Variants in SLC26A5 observed in about 807,000 individuals in gnomAD.
SLC26A5 encodes the protein prestin.
SLC26A5 carries 51 observed loss-of-function variants against 81.0 expected under a neutral mutation model. The ratio of observed to expected loss-of-function variants is 0.63; its 90% CI spans 0.50 to 0.80. The LOEUF (loss-of-function observed/expected upper bound fraction) is 0.80. SLC26A5 is among the 30% of genes least tolerant of loss of function. The pLI, the probability that SLC26A5 is intolerant of heterozygous loss-of-function variation, is 0.00. For synonymous variants in SLC26A5, 325 were observed against 332.8 expected (o/e 0.98, Z 0.25); for missense variants, 771 against 905.8 (o/e 0.85, Z 1.91).
At chr7:103,413,137 A>C in intron 4 of SLC26A5, 25 bp from the exon 5 acceptor site, 1 of 1,437,436 alleles carries the variant, frequency 7.0e-7, no homozygotes, top group Non-Finnish European at 9.8e-7. Context: ...ACCAAACAGA[A>C]ATGGGGGATC....
chr7:103,373,863 G>C (rs78524188), downstream of SLC26A5, among the ~76,000 whole-genome samples: 7,599 of 152,160 alleles, frequency 0.05, 597 homozygotes, highest in African/African-American at 0.17. Flanking sequence ...TATGTTTTAT[G>C]TTCTTATTTT....
chr7:103,429,081 G>A (rs771482966), intron 2 of SLC26A5, among the ~76,000 whole-genome samples: 4 of 152,096 alleles, frequency 2.6e-5, no homozygotes, highest in Non-Finnish European at 5.9e-5. Context: ...CAACATTCTG[G>A]GAACAGTATC....
intron 8 of SLC26A5, among the ~76,000 whole-genome samples, chr7:103,400,291 T>C (rs999099805): frequency 6.6e-6 from 1 of 152,250 alleles, no homozygotes; most frequent in East Asian, 1.9e-4. Flanking sequence ...TATCCCGTTG[T>C]GGTTTTGATT....
chr7:103,360,591 C>CT (rs1820325033), intron 19 of SLC26A5, among the ~76,000 whole-genome samples: 1 of 152,174 alleles, frequency 6.6e-6, no homozygotes, highest in African/African-American at 2.4e-5. Context: ...ACTTTTAGCT[C>CT]TACCTATGTG....
intron 7 of SLC26A5, among the ~76,000 whole-genome samples, chr7:103,409,816 T>C (rs905005311): frequency 6.6e-6 from 1 of 152,058 alleles, no homozygotes; most frequent in Admixed American, 6.6e-5. Context: ...CACGCCATTC[T>C]CCTGTCTCAG....
At chr7:103,406,226 T>G (rs535321833) in intron 8 of SLC26A5, among the ~76,000 whole-genome samples, 7 of 152,194 alleles carry the variant, frequency 4.6e-5, no homozygotes, top group Non-Finnish European at 7.4e-5. Context: ...CACTGGGGTA[T>G]GAAAAAAACT....
At chr7:103,379,120 C>T (rs1821583481) in intron 16 of SLC26A5, 123 bp downstream of exon 16, 1 of 739,228 alleles carries the variant, frequency 1.4e-6, no homozygotes, top group East Asian at 2.6e-5. Context: ...TATTTTACTA[C>T]AATAAAAGAG....
At chr7:103,384,624 A>C (rs1359862861) in intron 14 of SLC26A5, among the ~76,000 whole-genome samples, 1 of 152,020 alleles carries the variant, frequency 6.6e-6, no homozygotes, top group African/African-American at 2.4e-5. Flanking sequence ...CTTAAAAAAA[A>C]AAGTGCTGAT....
At chr7:103,421,596 A>G in intron 2 of SLC26A5, 29 bp from the exon 3 acceptor site, 1 of 1,455,680 alleles carries the variant, frequency 6.9e-7, no homozygotes, top group Non-Finnish European at 9.5e-7. Context: ...ACTCCATTTT[A>G]CTTGCCAAAA....
rs1178572494 is a variant in SLC26A5 at position 103,367,840 on chromosome 7, GGTCT to G, written c.2041+8964_2041+8967del. On this transcript the variant is annotated intron_variant, in intron 19 of 19. Transcript: ENST00000339444. This position sits in a 1 kb window ranked among gnomAD's most constrained non-coding sequence, Gnocchi z 6.1. ...TAGAAAGTTCTTGCTTATATTTGCT[GGTCT>G]GTCTGCTCAGGCTGCTTTAATTAAG... 1 of 1,612,104 alleles carries G rather than the reference GGTCT, an allele frequency of 6.2e-7. No individual in the cohort carries two copies. The highest frequency in any genetic ancestry group is 1.3e-5 in the African/African-American group (1 of 74,740).
At chr7:103,368,060 G>A in intron 19 of SLC26A5, 2 of 1,593,820 alleles carry the variant, frequency 1.3e-6, no homozygotes, top group Non-Finnish European at 1.7e-6. Flanking sequence ...ACTGAACCCT[G>A]AAGGCTTTCA....
chr7:103,364,007 T>C (rs1231529066), intron 19 of SLC26A5: 2 of 819,106 alleles, frequency 2.4e-6, no homozygotes. Flanking sequence ...ATTGTGGACT[T>C]AATAATTTTG....
chr7:103,353,014 C>T (rs990332988), intron 19 of SLC26A5: 3 of 776,838 alleles, frequency 3.9e-6, no homozygotes, highest in Admixed American at 3.4e-5. Flanking sequence ...CATGAAAGCA[C>T]ATGAGTATTG....
At position 103,354,807 on chromosome 7, in the gene SLC26A5, T is replaced by G. The variant is rs543436191; in HGVS notation, c.2042-1881A>C. ...TTGTAACTTAAAAATAATTTTTACC[T>G]GTAGTTTTAATAAATGGTTGATATC... On this transcript the variant is annotated intron_variant, in intron 19 of 19. Transcript: ENST00000339444. 4 of 1,066,966 alleles carry G rather than the reference T, an allele frequency of 3.7e-6. No individual in the cohort carries two copies. In the Admixed American group the frequency reaches 8.2e-5, roughly 22 times the overall value. The allele number at this position is 1,066,966 out of a possible 1,614,324, so 66.1% of individuals were successfully genotyped here. A position where few individuals can be genotyped will look rare whatever the true frequency, so the allele number is the denominator to read the frequency against.
chr7:103,364,001 T>A, intron 19 of SLC26A5: 2 of 768,306 alleles, frequency 2.6e-6, no homozygotes, highest in Non-Finnish European at 4.0e-6. Flanking sequence ...ATGTATATTG[T>A]GGACTTAATA....
chr7:103,429,419 A>G (rs1339259986), intron 2 of SLC26A5, among the ~76,000 whole-genome samples: 2 of 152,252 alleles, frequency 1.3e-5, no homozygotes, highest in African/African-American at 4.8e-5. Flanking sequence ...AAATTTTACT[A>G]TGAATTTTTT....
chr7:103,373,448 C>G (rs548616445), downstream of SLC26A5, among the ~76,000 whole-genome samples: 1 of 152,228 alleles, frequency 6.6e-6, no homozygotes, highest in South Asian at 2.1e-4. Flanking sequence ...AATATAAAAA[C>G]AAGTTAAACA....
At chr7:103,394,773 G>A (rs944431027) in intron 9 of SLC26A5, among the ~76,000 whole-genome samples, 1 of 152,284 alleles carries the variant, frequency 6.6e-6, no homozygotes, top group Non-Finnish European at 1.5e-5. Context: ...AATCTAGATG[G>A]GGAATCTGTT....
chr7:103,356,132 G>T (rs545811593), intron 19 of SLC26A5, among the ~76,000 whole-genome samples: 34 of 151,660 alleles, frequency 2.2e-4, no homozygotes, highest in Admixed American at 2.0e-3. Context: ...TCCTGTATTT[G>T]CATGCAAAGA....
Sources: allele counts gnomAD v4.1 joint callset (sites outside exome capture counted in the v4.1 genomes callset), GRCh38; gene constraint gnomAD v4.1.1; non-coding constraint Gnocchi (gnomAD v3.1); transcripts MANE v1.5; gene names NCBI Gene and HGNC (gene_info 2026-07-23, HGNC 2026-07-21).